Variants in SIAH3 observed in about 807,000 individuals in gnomAD.
The protein encoded by SIAH3 is siah E3 ubiquitin protein ligase family member 3.
A neutral mutation model predicts 12.6 loss-of-function variants in SIAH3; 9 were observed. The observed-to-expected ratio is 0.72, with a 90% CI of 0.43 to 1.25. The LOEUF is 1.25. Among genes scored for constraint, SIAH3 ranks in the 50% most tolerant of loss-of-function variants. SIAH3 has a pLI of 0.00. For missense variants in SIAH3, 390 were observed against 365.4 expected, an observed-to-expected ratio of 1.07 and a Z score of -0.55; for synonymous variants, 154 against 151.1, an observed-to-expected ratio of 1.02 and a Z score of -0.14.
intron 1 of SIAH3, among the ~76,000 whole-genome samples, chr13:45,836,107 G>C (rs1950716818): frequency 6.6e-6 from 1 of 152,196 alleles, no homozygotes; most frequent in African/African-American, 2.4e-5. Flanking sequence ...GTAGAGTGGA[G>C]AGTCTGAGCT....
Position 45,783,269 on chromosome 13 carries a change from T to TAAAAA in SIAH3, c.*113_*114insTTTTT. ...ACAAAAAAATAATAATAATTAAAAA[T>TAAAAA]TAAAAAAAAAAAAAAGAAAGGAGAA... On this transcript the variant is annotated 3_prime_UTR_variant, in exon 2 of 2. Transcript: ENST00000400405. 1 of 646,774 alleles carries TAAAAA rather than the reference T, an allele frequency of 1.5e-6. No homozygotes were observed. The highest frequency in any genetic ancestry group is 2.2e-5 in the African/African-American group (1 of 45,970). 40.1% of individuals were successfully genotyped at this position (646,774 alleles called of 1,614,324 possible). A position where few individuals can be genotyped will look rare whatever the true frequency, so the allele number is the denominator to read the frequency against.
chr13:45,783,864 G>C lies in SIAH3; in HGVS notation c.329C>G (p.Pro110Arg). 1 of 1,613,958 alleles carries C rather than the reference G, an allele frequency of 6.2e-7. No individual in the cohort carries two copies. The highest frequency in any genetic ancestry group is 2.2e-5 in the East Asian group (1 of 44,876). ...GCCTTCCCACTGGCAGGAGAACAAG[G>C]GACACATGCACAGGCAGGGCGTCAC... ...NPVTPCLCMC[P>R]LFSCQWEGRL... The change falls in exon 2 of 2, where the codon CCC becomes CGC. Residue 110 changes from proline (P) to arginine (R), a missense_variant. Coordinates refer to ENST00000400405, the MANE Select transcript of SIAH3 (RefSeq NM_198849.3).
intron 1 of SIAH3, among the ~76,000 whole-genome samples, chr13:45,814,154 G>A (rs968767180): frequency 2.7e-5 from 4 of 150,880 alleles, no homozygotes; most frequent in East Asian, 2.0e-4. Flanking sequence ...CAGGAGAATG[G>A]CGTGAACCCG....
At chr13:45,803,981 C>T (rs994395984) in intron 1 of SIAH3, among the ~76,000 whole-genome samples, 1 of 152,114 alleles carries the variant, frequency 6.6e-6, no homozygotes, top group Non-Finnish European at 1.5e-5. Context: ...CAATTACCTA[C>T]AACCGATTTG....
chr13:45,839,729 G>A lies in SIAH3; in HGVS notation c.135+11766C>T, dbSNP rs1391835236. Among the ~76,000 whole-genome samples the A allele has an allele frequency of 4.6e-5, 7 of 152,182 alleles. No individual in the cohort carries two copies. In the East Asian group the frequency reaches 1.4e-3, roughly 29 times the overall value. On this transcript the variant is annotated intron_variant, in intron 1 of 1. Transcript: ENST00000400405. Reference sequence around the variant, plus strand: ...TGCCTGTAATCCCAGCTACTAGGGAGGCTGAGGCAGGAGAATCGGTTGAAC... The same window carrying A: ...TGCCTGTAATCCCAGCTACTAGGGAAGCTGAGGCAGGAGAATCGGTTGAAC...
chr13:45,796,947 A>G (rs1374067301), intron 1 of SIAH3, among the ~76,000 whole-genome samples: 2 of 152,130 alleles, frequency 1.3e-5, no homozygotes, highest in African/African-American at 2.4e-5. Context: ...GGGGGCAGGG[A>G]TGGGAAGGCA....
chr13:45,804,963 A>AACACACACACACACACAC (rs56315825), intron 1 of SIAH3, among the ~76,000 whole-genome samples: 1 of 135,836 alleles, frequency 7.4e-6, no homozygotes, highest in South Asian at 2.5e-4. Flanking sequence ...TCCCATTTAT[A>AACACACACACACACACAC]ACACACACAC....
At chr13:45,817,057 T>G (rs1422665869) in intron 1 of SIAH3, among the ~76,000 whole-genome samples, 1 of 152,244 alleles carries the variant, frequency 6.6e-6, no homozygotes, top group Non-Finnish European at 1.5e-5. Context: ...TTAGTATTAC[T>G]GTGAGGATTA....
intron 1 of SIAH3, among the ~76,000 whole-genome samples, chr13:45,831,349 T>C (rs959750357): frequency 6.6e-6 from 1 of 152,122 alleles, no homozygotes. Context: ...ACAGATTTTA[T>C]TACTTCCAGG....
intron 1 of SIAH3, among the ~76,000 whole-genome samples, chr13:45,811,451 G>A (rs1171137581): frequency 1.3e-5 from 2 of 152,112 alleles, no homozygotes; most frequent in African/African-American, 4.8e-5. Flanking sequence ...ACACGGTCTT[G>A]CTCTGTTGCC....
chr13:45,844,268 G>T (rs1950750846), intron 1 of SIAH3, among the ~76,000 whole-genome samples: 1 of 152,234 alleles, frequency 6.6e-6, no homozygotes, highest in Non-Finnish European at 1.5e-5. Flanking sequence ...GGAGGTTAGT[G>T]TGTGAGTATG....
In SIAH3 at chr13:45,796,341, G is replaced by C. The variant is rs145310019; in HGVS notation, c.136-12284C>G. On this transcript the variant is annotated intron_variant, in intron 1 of 1. Transcript: ENST00000400405. The stretch of plus-strand genomic sequence containing the variant: ...TAAATGGACATATTTCATGGGCGGG[G>C]GGGAGGCGCTCAAGAACCCTAGGGG... Among the ~76,000 whole-genome samples the C allele has an allele frequency of 7.8e-4, 118 of 152,256 alleles. 1 individual carries two copies. The highest frequency in any genetic ancestry group is 2.1e-3 in the African/African-American group (86 of 41,542).
At chr13:45,813,119 C>A (rs1301994997) in intron 1 of SIAH3, among the ~76,000 whole-genome samples, 1 of 151,978 alleles carries the variant, frequency 6.6e-6, no homozygotes, top group Non-Finnish European at 1.5e-5. Context: ...AGTACTGAGT[C>A]CCGGACCTGA....
chr13:45,784,146 G>C (rs1733031528), intron 1 of SIAH3, 89 bp from the exon 2 acceptor site: 12 of 1,198,656 alleles, frequency 1.0e-5, no homozygotes, highest in Non-Finnish European at 1.4e-5. Flanking sequence ...TTAAAAAGCA[G>C]ATCCTCCAGT....
intron 1 of SIAH3, among the ~76,000 whole-genome samples, chr13:45,797,213 T>C (rs1395920820): frequency 2.6e-5 from 4 of 152,140 alleles, no homozygotes; most frequent in African/African-American, 9.6e-5. Context: ...TTGTTCATAT[T>C]TCCCCCATTG....
chr13:45,810,137 A>T (rs1220658516), intron 1 of SIAH3, among the ~76,000 whole-genome samples: 4 of 152,164 alleles, frequency 2.6e-5, no homozygotes, highest in Admixed American at 2.6e-4. Context: ...AACATTCTGG[A>T]CCCTGAACTC....
chr13:45,802,078 G>A (rs546632105), intron 1 of SIAH3, among the ~76,000 whole-genome samples: 10 of 152,126 alleles, frequency 6.6e-5, no homozygotes, highest in Non-Finnish European at 1.0e-4. Context: ...AGGCTGAAGC[G>A]GTGGATCACT....
Position 45,851,655 on chromosome 13 carries a change from C to G in SIAH3, c.-26G>C, listed in dbSNP as rs570304535. The G allele has an allele frequency of 6.2e-7, 1 of 1,613,662 alleles. No homozygotes were observed. Among genetic ancestry groups the G allele is most frequent in the Non-Finnish European group, 8.5e-7 (1 of 1,179,798 alleles). ...CACAACTTTTGGGGGGTTGTTGGTC[C>G]GGGAAGGCAGCGGAGGAAGCTGTGA... On this transcript the variant is annotated 5_prime_UTR_variant, in exon 1 of 2. Coordinates refer to ENST00000400405, the MANE Select transcript of SIAH3 (RefSeq NM_198849.3).
At chr13:45,815,067 A>G (rs1950629553) in intron 1 of SIAH3, among the ~76,000 whole-genome samples, 1 of 149,212 alleles carries the variant, frequency 6.7e-6, no homozygotes, top group African/African-American at 2.5e-5. Flanking sequence ...CTTCTGCACC[A>G]ACCTAATAGA....
Sources: gnomAD v4.1 joint callset for allele counts (sites outside exome capture counted in the v4.1 genomes callset) on GRCh38, gnomAD v4.1.1 for gene constraint, MANE v1.5 for transcripts, NCBI Gene and HGNC (gene_info 2026-07-23, HGNC 2026-07-21) for gene names.